Variants in TMPRSS9 observed in about 807,000 individuals in gnomAD.
TMPRSS9 encodes transmembrane protease serine 9.
A neutral mutation model predicts 111.4 loss-of-function variants in TMPRSS9; 113 were observed. That is an observed-to-expected ratio of 1.01 (90% confidence interval 0.87 to 1.19). The LOEUF (loss-of-function observed/expected upper bound fraction) is 1.19. TMPRSS9 is among the 50% of genes most tolerant of loss of function. TMPRSS9 has a pLI of 0.00. For missense variants in TMPRSS9, 1,803 were observed against 1,513.1 expected, an observed-to-expected ratio of 1.19 and a Z score of -3.18; for synonymous variants, 805 against 659.1, an observed-to-expected ratio of 1.22 and a Z score of -3.39.
At chr19:2,425,095 G>T (rs758450955) in exon 16 of TMPRSS9, 2 of 1,583,022 alleles carry the variant, frequency 1.3e-6, no homozygotes, top group South Asian at 2.2e-5. Context: ...GCATCTACAA[G>T]CACCCGTTCT....
At chr19:2,403,888 G>A (rs1970908379) in intron 6 of TMPRSS9, among the ~76,000 whole-genome samples, 1 of 151,732 alleles carries the variant, frequency 6.6e-6, no homozygotes, top group African/African-American at 2.4e-5. Flanking sequence ...AGCTATTTGG[G>A]AGGCTGAGGC....
chr19:2,380,024 T>C (rs1199123114), intron 1 of TMPRSS9, among the ~76,000 whole-genome samples: 2 of 151,994 alleles, frequency 1.3e-5, no homozygotes, highest in East Asian at 1.9e-4. Context: ...GGTGCTGGGA[T>C]TACAGGCATG....
chr19:2,364,934 G>A (rs1041268229), intron 1 of TMPRSS9, among the ~76,000 whole-genome samples: 72 of 150,686 alleles, frequency 4.8e-4, no homozygotes, highest in African/African-American at 1.5e-3. Flanking sequence ...AGCCAGGATC[G>A]CGCCACTGCA....
chr19:2,363,391 GC>G (rs886269064), intron 1 of TMPRSS9, among the ~76,000 whole-genome samples: 2 of 152,050 alleles, frequency 1.3e-5, no homozygotes, highest in African/African-American at 4.8e-5. Flanking sequence ...TTGGTTAAGG[GC>G]TTTGCGGAGA....
At position 2,394,422 on chromosome 19, in the gene TMPRSS9, A is replaced by T. The variant is rs145518275; in HGVS notation, c.143-2117A>T. On this transcript the variant is annotated intron_variant, in intron 1 of 17. Coordinates refer to ENST00000648592, the Ensembl canonical transcript of TMPRSS9. ...TTTAAAAAAATAAAAATGAGAATTC[A>T]GCCCTTCGCAAACAGCTCACCATTT... 5.7e-3 allele frequency among the ~76,000 whole-genome samples: 863 copies of T among 152,294 alleles called. 5 individuals carry two copies. Among genetic ancestry groups the T allele is most frequent in the Non-Finnish European group, 9.8e-3 (664 of 68,028 alleles).
chr19:2,422,065 G>C (rs201402879), exon 14 of TMPRSS9: 11 of 1,610,694 alleles, frequency 6.8e-6, no homozygotes, highest in Non-Finnish European at 9.3e-6. Flanking sequence ...GCCACCACCA[G>C]CCCCAGGACG....
exon 1 of TMPRSS9, chr19:2,389,885 G>A: frequency 6.2e-7 from 1 of 1,613,802 alleles, no homozygotes; most frequent in Non-Finnish European, 8.5e-7. Context: ...CATTGGCGTG[G>A]TGGCCACCAG....
intron 1 of TMPRSS9, among the ~76,000 whole-genome samples, chr19:2,382,065 T>G (rs1970392015): frequency 6.6e-6 from 1 of 152,042 alleles, no homozygotes; most frequent in Non-Finnish European, 1.5e-5. Flanking sequence ...GGTCTCGAAC[T>G]CCTGACCTCA....
chr19:2,417,936 G>T (rs547139864), intron 12 of TMPRSS9, 66 bp from the exon 14 acceptor site: 5 of 1,591,344 alleles, frequency 3.1e-6, no homozygotes, highest in East Asian at 4.5e-5. Flanking sequence ...GGCTGTTATC[G>T]GAGCGGAACT....
intron 1 of TMPRSS9, among the ~76,000 whole-genome samples, chr19:2,380,747 G>A (rs1200909094): frequency 6.6e-6 from 1 of 152,146 alleles, no homozygotes; most frequent in Non-Finnish European, 1.5e-5. Context: ...GAAGTGAGGA[G>A]GTAACAAGTG....
At chr19:2,425,366 C>A (rs1274660928) in exon 17 of TMPRSS9, 1 of 1,521,376 alleles carries the variant, frequency 6.6e-7, no homozygotes, top group Admixed American at 2.0e-5. Flanking sequence ...GGCTCCATGG[C>A]GCGGCAGCTG....
In TMPRSS9 at chr19:2,408,839, AT is replaced by A. The variant is rs1158423298; in HGVS notation, c.1117+211del. ...AAAAATACACACACACACACACAAAATTAGCCAGGCATGGTGGTGCGTGCCT... is the reference window on the plus strand; with the variant it reads ...AAAAATACACACACACACACACAAAATAGCCAGGCATGGTGGTGCGTGCCT... On this transcript the variant is annotated intron_variant, in intron 8 of 17. Coordinates refer to ENST00000648592, the Ensembl canonical transcript of TMPRSS9. 2.3e-3 allele frequency among the ~76,000 whole-genome samples: 344 copies of A among 149,142 alleles called. 1 individual carries two copies. Among genetic ancestry groups the A allele is most frequent in the African/African-American group, 8.2e-3 (332 of 40,314 alleles).
At chr19:2,367,230 T>G (rs1183731175) in intron 1 of TMPRSS9, among the ~76,000 whole-genome samples, 1 of 152,132 alleles carries the variant, frequency 6.6e-6, no homozygotes, top group African/African-American at 2.4e-5. Flanking sequence ...TTGGAGATAT[T>G]TAAAAACCAC....
intron 1 of TMPRSS9, among the ~76,000 whole-genome samples, chr19:2,394,240 G>T (rs888107967): frequency 1.1e-4 from 11 of 102,450 alleles, no homozygotes; most frequent in Admixed American, 4.7e-4. Flanking sequence ...CCAGCCAGGC[G>T]TGATAGTGGG....
intron 2 of TMPRSS9, 92 bp from the exon 4 acceptor site, chr19:2,398,703 C>A: frequency 1.2e-6 from 1 of 846,048 alleles, no homozygotes; most frequent in Non-Finnish European, 1.7e-6. Flanking sequence ...CCAACCCCTT[C>A]TCCAGCTCCC....
chr19:2,416,016 CAG>C (rs1417948085), intron 11 of TMPRSS9, among the ~76,000 whole-genome samples, 175 bp downstream of exon 12: 1 of 152,146 alleles, frequency 6.6e-6, no homozygotes, highest in Non-Finnish European at 1.5e-5. Flanking sequence ...TAAGGACAAA[CAG>C]GGCCTAACCA....
chr19:2,364,910 C>T (rs911286056), intron 1 of TMPRSS9, among the ~76,000 whole-genome samples: 1 of 150,942 alleles, frequency 6.6e-6, no homozygotes, highest in Non-Finnish European at 1.5e-5. Context: ...ACCCGGGAGG[C>T]AGAGCTTGCA....
chr19:2,382,647 ATGCACACATACACACATGCACACG>A (rs1257694205), intron 1 of TMPRSS9, among the ~76,000 whole-genome samples: 3 of 148,950 alleles, frequency 2.0e-5, no homozygotes, highest in African/African-American at 4.9e-5. Flanking sequence ...CAGACCACAC[ATGCACACATACACACATGCACACG>A]TGCACACATA....
intron 2 of TMPRSS9, among the ~76,000 whole-genome samples, chr19:2,397,431 C>T (rs1425993932): frequency 1.3e-5 from 2 of 152,102 alleles, no homozygotes; most frequent in Non-Finnish European, 2.9e-5. Flanking sequence ...GCCAGGGTTA[C>T]AGGCACCCAC....
Sources: gnomAD v4.1 joint callset for allele counts (sites outside exome capture counted in the v4.1 genomes callset) on GRCh38, gnomAD v4.1.1 for gene constraint, MANE v1.5 for transcripts, NCBI Gene and HGNC (gene_info 2026-07-23, HGNC 2026-07-21) for gene names.